Variants in CPLX2 observed in about 807,000 individuals in gnomAD.
The protein encoded by CPLX2 is complexin 2, also known as complexin-2.
CPLX2 carries 5 observed loss-of-function variants against 16.3 expected under a neutral mutation model. That is an observed-to-expected ratio of 0.31 (90% CI 0.16 to 0.64). The LOEUF is 0.64. Ranked by LOEUF, CPLX2 falls within the 30% of genes least tolerant of loss-of-function variation. The pLI, the probability that CPLX2 is intolerant of heterozygous loss-of-function variation, is 0.79. For synonymous variants in CPLX2, 89 were observed against 73.2 expected, an observed-to-expected ratio of 1.22 and a Z score of -1.10; for missense variants, 144 against 181.4, an observed-to-expected ratio of 0.79 and a Z score of 1.18.
intron 2 of CPLX2, among the ~76,000 whole-genome samples, chr5:175,858,384 T>G (rs1047588986): frequency 6.6e-6 from 1 of 152,142 alleles, no homozygotes; most frequent in Non-Finnish European, 1.5e-5. Context: ...GCCTGGCCAA[T>G]GAATGGTGAG....
rs144476448 is a variant in CPLX2 at position 175,830,227 on chromosome 5, C to G, written c.-89+21159C>G. Among the ~76,000 whole-genome samples the G allele has an allele frequency of 6.6e-6, 1 of 152,218 alleles. No homozygotes were observed. Among genetic ancestry groups the G allele is most frequent in the African/African-American group, 2.4e-5 (1 of 41,442 alleles). ...CAGAGCTGCCCTGGTTCCCTGCCCC[C>G]GGGGGAGCACAGCCCAGCAAGAGGG... On this transcript the variant is annotated intron_variant, in intron 2 of 4. Transcript: ENST00000359546. The surrounding 1 kb of genome is among the most constrained non-coding windows in gnomAD (Gnocchi z 4.0).
intron 2 of CPLX2, among the ~76,000 whole-genome samples, chr5:175,835,896 G>T (rs971229486): frequency 2.6e-5 from 4 of 151,594 alleles, no homozygotes; most frequent in African/African-American, 9.7e-5. Context: ...GCACCATCAC[G>T]CCTAGCTAAG....
intron 1 of CPLX2, among the ~76,000 whole-genome samples, chr5:175,801,731 C>T (rs1758099580): frequency 1.3e-5 from 2 of 152,290 alleles, no homozygotes; most frequent in South Asian, 4.2e-4. Flanking sequence ...CAGAAAGTGC[C>T]GTATGAGTAC....
chr5:175,859,757 G>A (rs1473135298), intron 2 of CPLX2, among the ~76,000 whole-genome samples: 1 of 152,208 alleles, frequency 6.6e-6, no homozygotes, highest in Non-Finnish European at 1.5e-5. Context: ...ACGTGACCAT[G>A]GGGACCAGCT....
intron 2 of CPLX2, among the ~76,000 whole-genome samples, chr5:175,852,964 A>G: frequency 6.6e-6 from 1 of 152,224 alleles, no homozygotes; most frequent in Non-Finnish European, 1.5e-5. Flanking sequence ...GTACGTCCTC[A>G]GCAGTCTCTA....
At chr5:175,826,017 G>T (rs567849800) in intron 2 of CPLX2, among the ~76,000 whole-genome samples, 5 of 150,060 alleles carry the variant, frequency 3.3e-5, no homozygotes, top group Non-Finnish European at 7.4e-5. Context: ...CAGCAGATCG[G>T]ATGCTTGTGC....
intron 2 of CPLX2, among the ~76,000 whole-genome samples, chr5:175,815,163 C>G (rs1174213651): frequency 2.0e-5 from 3 of 152,206 alleles, no homozygotes; most frequent in Non-Finnish European, 4.4e-5. Context: ...ACAAACGTCA[C>G]CATCCCAGTC....
At chr5:175,876,867 G>A (rs915675941) in intron 1 of CPLX2, among the ~76,000 whole-genome samples, 2 of 152,056 alleles carry the variant, frequency 1.3e-5, no homozygotes, top group African/African-American at 4.8e-5. Flanking sequence ...GTATTAAATC[G>A]AACGAAAACA....
chr5:175,877,923 G>A (rs895114293), intron 1 of CPLX2, among the ~76,000 whole-genome samples: 1 of 152,190 alleles, frequency 6.6e-6, no homozygotes, highest in Non-Finnish European at 1.5e-5. Flanking sequence ...TGCAAGGCCC[G>A]TGCTAGGTAG....
chr5:175,830,932 C>T lies in CPLX2; in HGVS notation c.-89+21864C>T, dbSNP rs1416711976. On this transcript the variant is annotated intron_variant, in intron 2 of 4. Transcript: ENST00000359546. The surrounding 1 kb of genome is among the most constrained non-coding windows in gnomAD (Gnocchi z 4.0). ...GGCCTTAGAGCCCAAGGGAAACGTG[C>T]GTGTGTTCGTGCTCACACAGTTGTG... Among the ~76,000 whole-genome samples, 3 of 152,198 alleles carry T rather than the reference C, an allele frequency of 2.0e-5. No homozygotes were observed. The highest frequency in any genetic ancestry group is 6.5e-5 in the Admixed American group (1 of 15,290).
chr5:175,823,232 C>T (rs1221387606), intron 2 of CPLX2, among the ~76,000 whole-genome samples: 2 of 152,160 alleles, frequency 1.3e-5, no homozygotes, highest in Admixed American at 6.5e-5. Context: ...TGTTGCTGTA[C>T]ACCCAATGTT....
chr5:175,798,242 G>C (rs1265241628), intron 1 of CPLX2, among the ~76,000 whole-genome samples: 1 of 152,204 alleles, frequency 6.6e-6, no homozygotes, highest in Non-Finnish European at 1.5e-5. Flanking sequence ...TACCCACTTC[G>C]ATGAGAATTT....
chr5:175,854,192 T>C (rs892991684), intron 2 of CPLX2, among the ~76,000 whole-genome samples: 5 of 152,186 alleles, frequency 3.3e-5, no homozygotes, highest in African/African-American at 1.2e-4. Flanking sequence ...CAGCTCCTCC[T>C]TCCTTTGACC....
chr5:175,810,825 C>T (rs1758298850), intron 2 of CPLX2, among the ~76,000 whole-genome samples: 1 of 152,224 alleles, frequency 6.6e-6, no homozygotes, highest in African/African-American at 2.4e-5. Context: ...TAGTTCACTT[C>T]TCAAAGAATT....
At chr5:175,832,874 G>C (rs993583631) in intron 2 of CPLX2, among the ~76,000 whole-genome samples, 1 of 152,166 alleles carries the variant, frequency 6.6e-6, no homozygotes, top group Non-Finnish European at 1.5e-5. Context: ...AAAGGATTAG[G>C]CTGGGCGTGG....
intron 2 of CPLX2, among the ~76,000 whole-genome samples, chr5:175,818,964 C>T (rs1466161621): frequency 7.9e-5 from 12 of 152,126 alleles, no homozygotes; most frequent in Admixed American, 6.6e-4. Context: ...CGCCCGGCCC[C>T]GACTTCTAAT....
intron 2 of CPLX2, among the ~76,000 whole-genome samples, chr5:175,844,677 A>C (rs1326052405): frequency 1.3e-5 from 2 of 152,246 alleles, no homozygotes; most frequent in African/African-American, 4.8e-5. Flanking sequence ...AGCAAGTGCG[A>C]AGGGCCGGAG....
Position 175,830,469 on chromosome 5 carries a change from C to T in CPLX2, c.-89+21401C>T, listed in dbSNP as rs536502964. Among the ~76,000 whole-genome samples the T allele has an allele frequency of 1.2e-4, 19 of 152,232 alleles. No homozygotes were observed. In the East Asian group the frequency reaches 1.4e-3, roughly 11 times the overall value. ...GATGCCCCCACAGAGGAGAGTGAAG[C>T]GAGGCAGCCCTCCTTTAGGAGGGGG... On this transcript the variant is annotated intron_variant, in intron 2 of 4. Transcript: ENST00000359546. The surrounding 1 kb of genome is among the most constrained non-coding windows in gnomAD (Gnocchi z 4.0).
At chr5:175,819,449 T>C (rs371592536) in intron 2 of CPLX2, among the ~76,000 whole-genome samples, 7 of 152,208 alleles carry the variant, frequency 4.6e-5, no homozygotes, top group African/African-American at 1.7e-4. Flanking sequence ...TTCTGGTGGA[T>C]GTGGAGTGGT....
Sources: gnomAD v4.1 joint callset for allele counts (sites outside exome capture counted in the v4.1 genomes callset) on GRCh38, gnomAD v4.1.1 for gene constraint, Gnocchi (gnomAD v3.1) non-coding constraint, MANE v1.5 for transcripts, NCBI Gene and HGNC (gene_info 2026-07-23, HGNC 2026-07-21) for gene names.